ADGRD1: variants seen among roughly 807,000 people sequenced by gnomAD.
ADGRD1 encodes the protein adhesion G protein-coupled receptor D1.
ADGRD1 carries 77 observed loss-of-function variants against 113.4 expected under a neutral mutation model. The observed-to-expected ratio is 0.68, with a 90% confidence interval of 0.57 to 0.82. The LOEUF is 0.82. Ranked by LOEUF, ADGRD1 falls within the 40% of genes least tolerant of loss-of-function variation. The probability of loss-of-function intolerance (pLI) is 0.00; values close to 1 mark genes in which losing one functional copy is unlikely to be tolerated. For missense variants in ADGRD1, 1,036 were observed against 1,139.1 expected, an observed-to-expected ratio of 0.91 and a Z score of 1.30; for synonymous variants, 474 against 475.0, an observed-to-expected ratio of 1.00 and a Z score of 0.03.
intron 18 of ADGRD1, among the ~76,000 whole-genome samples, chr12:131,110,730 CTG>C (rs1475783512): frequency 1.3e-5 from 2 of 152,098 alleles, no homozygotes; most frequent in East Asian, 3.9e-4. Context: ...ATGTATGTTT[CTG>C]TGTGTGTTAA....
intron 13 of ADGRD1, among the ~76,000 whole-genome samples, chr12:131,018,502 G>T (rs1055155474): frequency 6.6e-6 from 1 of 151,840 alleles, no homozygotes; most frequent in African/African-American, 2.4e-5. Flanking sequence ...CGGGTCGGCC[G>T]CCTCACGCAG....
At chr12:131,051,047 A>G (rs191728662) in intron 13 of ADGRD1, among the ~76,000 whole-genome samples, 29 of 152,300 alleles carry the variant, frequency 1.9e-4, no homozygotes, top group Non-Finnish European at 3.8e-4. Flanking sequence ...CACCGCCCGC[A>G]TGATCCAGTC....
At chr12:131,127,232 C>A (rs1224832486) in intron 20 of ADGRD1, among the ~76,000 whole-genome samples, 2 of 152,126 alleles carry the variant, frequency 1.3e-5, no homozygotes, top group Non-Finnish European at 2.9e-5. Flanking sequence ...CATCTTAACG[C>A]AAAGCGGTCA....
At chr12:131,101,650 A>G (rs181884082) in intron 15 of ADGRD1, among the ~76,000 whole-genome samples, 15 of 151,866 alleles carry the variant, frequency 9.9e-5, no homozygotes, top group Middle Eastern at 3.4e-3. Context: ...GGCCTCCCAG[A>G]GTGATTACAG....
Position 130,966,894 on chromosome 12 carries a change from A to C in ADGRD1, c.187+348A>C, listed in dbSNP as rs1871063945. 1 of 432,450 alleles carries C rather than the reference A, an allele frequency of 2.3e-6. No individual in the cohort carries two copies. The highest frequency in any genetic ancestry group is 4.7e-6 in the Non-Finnish European group (1 of 211,556). The allele number at this position is 432,450 out of a possible 1,614,324, so 26.8% of individuals were successfully genotyped here. The stretch of plus-strand genomic sequence containing the variant: ...CTTGGCCTCCCAAAGTGCTGGAATT[A>C]CAGGCGTGAGCCACTGTGCCAGGCC... On this transcript the variant is annotated intron_variant, in intron 3 of 24. Transcript: ENST00000261654. This position sits in a 1 kb window ranked among gnomAD's most constrained non-coding sequence, Gnocchi z 4.6.
intron 4 of ADGRD1, among the ~76,000 whole-genome samples, chr12:130,980,363 C>G (rs1277928346): frequency 1.3e-5 from 2 of 151,828 alleles, no homozygotes; most frequent in African/African-American, 4.8e-5. Flanking sequence ...CTCGGCCTCC[C>G]TAAGTGCTGG....
At chr12:131,116,413 C>T (rs1373920092) in intron 18 of ADGRD1, among the ~76,000 whole-genome samples, 3 of 144,170 alleles carry the variant, frequency 2.1e-5, no homozygotes, top group Non-Finnish European at 4.4e-5. Flanking sequence ...CCAAGTATTT[C>T]AGAGACAAGA....
chr12:131,099,768 T>G (rs1211938891), intron 15 of ADGRD1, among the ~76,000 whole-genome samples: 1 of 152,230 alleles, frequency 6.6e-6, no homozygotes, highest in African/African-American at 2.4e-5. Flanking sequence ...CCCTCCAATA[T>G]GTCTGGCCTT....
intron 13 of ADGRD1, among the ~76,000 whole-genome samples, chr12:131,043,681 G>A (rs551535150): frequency 1.3e-5 from 2 of 152,370 alleles, no homozygotes; most frequent in South Asian, 4.1e-4. Context: ...CCCTGCGCAC[G>A]CACACAGGGC....
rs1021508499 is a variant in ADGRD1, at chr12:131,057,482, C to T, written c.1474-19319C>T. On this transcript the variant is annotated intron_variant, in intron 13 of 24. Transcript: ENST00000261654. This position sits in a 1 kb window ranked among gnomAD's most constrained non-coding sequence, Gnocchi z 4.2. Reference sequence around the variant, plus strand: ...AGCTCTTGAGTCCACGAGTCTGAGACAAAGGCGTTGGCAGAGCTAGTTCGT... The same window carrying T: ...AGCTCTTGAGTCCACGAGTCTGAGATAAAGGCGTTGGCAGAGCTAGTTCGT... Among the ~76,000 whole-genome samples, 4 of 152,162 alleles carry T rather than the reference C, an allele frequency of 2.6e-5. No homozygotes were observed. The highest frequency in any genetic ancestry group is 4.2e-4 in the South Asian group (2 of 4,816).
chr12:131,136,844 C>T lies in ADGRD1; in HGVS notation c.2395-129C>T. ...GACGCCTCTCCGTCCTCACGGGCCC[C>T]AGGTCATGGGACCTGGTGTCACAGT... On this transcript the variant is annotated intron_variant, in intron 22 of 24. Transcript: ENST00000261654. The T allele has an allele frequency of 6.3e-6, 5 of 798,074 alleles. No homozygotes were observed. The Admixed American group carries it at 7.2e-5, about 11-fold the overall frequency. The allele number at this position is 798,074 out of a possible 1,614,324, so 49.4% of individuals were successfully genotyped here. A position where few individuals can be genotyped will look rare whatever the true frequency, so the allele number is the denominator to read the frequency against.
At chr12:131,031,811 C>T (rs986197178) in intron 13 of ADGRD1, among the ~76,000 whole-genome samples, 1 of 152,176 alleles carries the variant, frequency 6.6e-6, no homozygotes, top group Non-Finnish European at 1.5e-5. Flanking sequence ...GCTCTGCATA[C>T]CAAACATCCG....
intron 18 of ADGRD1, among the ~76,000 whole-genome samples, chr12:131,117,353 A>G (rs1950490962): frequency 6.6e-6 from 1 of 152,248 alleles, no homozygotes; most frequent in Non-Finnish European, 1.5e-5. Context: ...GATGGCTCAT[A>G]TAACAAAAAA....
intron 3 of ADGRD1, chr12:130,967,595 C>T (rs1871148107): frequency 6.6e-6 from 1 of 152,508 alleles, no homozygotes; most frequent in Non-Finnish European, 1.5e-5. Context: ...CACATTGACA[C>T]ACTGGCATTT....
In ADGRD1 at chr12:130,954,459, G is replaced by A; in HGVS notation, c.-7G>A. The A allele has an allele frequency of 1.9e-6, 3 of 1,540,498 alleles. No individual in the cohort carries two copies. The highest frequency in any genetic ancestry group is 1.3e-5 in the South Asian group (1 of 78,662). On this transcript the variant is annotated 5_prime_UTR_variant, in exon 1 of 25. Coordinates refer to ENST00000261654, the MANE Select transcript of ADGRD1 (RefSeq NM_198827.5). The surrounding 1 kb of genome is among the most constrained non-coding windows in gnomAD (Gnocchi z 4.7). ...CTTGGCTCCGAGCTTTGACCTCCGA[G>A]AGAGCCATGGAAAAGCTGCTGCGGC...
intron 13 of ADGRD1, among the ~76,000 whole-genome samples, chr12:131,067,465 G>T (rs1884810642): frequency 6.6e-6 from 1 of 152,236 alleles, no homozygotes; most frequent in African/African-American, 2.4e-5. Context: ...GCCTCCTCCA[G>T]ACCTGGCTTC....
intron 3 of ADGRD1, chr12:130,969,447 G>T: frequency 5.0e-6 from 1 of 201,450 alleles, no homozygotes; most frequent in South Asian, 8.7e-5. Context: ...CAGATCAGCA[G>T]CAGCATTAAA....
At chr12:131,005,428 A>G (rs1231764594) in intron 11 of ADGRD1, among the ~76,000 whole-genome samples, 4 of 152,204 alleles carry the variant, frequency 2.6e-5, no homozygotes, top group African/African-American at 4.8e-5. Context: ...ACCCTGCTTC[A>G]TGGCTGGTTA....
intron 7 of ADGRD1, among the ~76,000 whole-genome samples, chr12:130,991,655 T>G (rs899996309): frequency 6.6e-6 from 1 of 152,172 alleles, no homozygotes; most frequent in African/African-American, 2.4e-5. Flanking sequence ...AAGCAAAATA[T>G]TCACAAAAGT....
Sources: allele counts gnomAD v4.1 joint callset (sites outside exome capture counted in the v4.1 genomes callset), GRCh38; gene constraint gnomAD v4.1.1; non-coding constraint Gnocchi (gnomAD v3.1); transcripts MANE v1.5; gene names NCBI Gene and HGNC (gene_info 2026-07-23, HGNC 2026-07-21).